Variants in PCDHGC4 observed in about 807,000 individuals in gnomAD.
PCDHGC4 encodes the protein protocadherin gamma-C4.
In PCDHGC4, 15 loss-of-function variants were observed where a neutral mutation model predicts 59.7. The observed-to-expected ratio is 0.25, with a 90% CI of 0.17 to 0.39. The LOEUF (loss-of-function observed/expected upper bound fraction) is 0.39, where lower values mean the gene tolerates loss of function less well. Ranked by LOEUF, PCDHGC4 falls within the 10% of genes least tolerant of loss-of-function variation. The pLI, the probability that PCDHGC4 is intolerant of heterozygous loss-of-function variation, is 1.00. For synonymous variants in PCDHGC4, 434 were observed against 481.4 expected (o/e 0.90, Z 1.29); for missense variants, 1,016 against 1,189.5 (o/e 0.85, Z 2.15).
In PCDHGC4 at chr5:141,489,844, C is replaced by A; in HGVS notation, c.2442+2229C>A. 2 of 1,614,148 alleles carry A rather than the reference C, an allele frequency of 1.2e-6. No individual in the cohort carries two copies. Among genetic ancestry groups the A allele is most frequent in the Non-Finnish European group, 1.7e-6 (2 of 1,179,982 alleles). On this transcript the variant is annotated intron_variant, in intron 1 of 3. Coordinates refer to ENST00000306593, the MANE Select transcript of PCDHGC4 (RefSeq NM_018928.3). The surrounding 1 kb of genome is among the most constrained non-coding windows in gnomAD (Gnocchi z 4.5). Reference sequence around the variant, plus strand: ...GCTGGTGCTAGAGCAGCAGCTGGATCGTGAAGCCCAGGCAAGACATCAGCT... The same window carrying A: ...GCTGGTGCTAGAGCAGCAGCTGGATAGTGAAGCCCAGGCAAGACATCAGCT...
intron 2 of PCDHGC4, among the ~76,000 whole-genome samples, chr5:141,501,184 C>T (rs1209222790): frequency 6.6e-6 from 1 of 152,002 alleles, no homozygotes; most frequent in Non-Finnish European, 1.5e-5. Context: ...CATTTTAACA[C>T]AATTAAATTC....
In PCDHGC4 at chr5:141,487,237, T is replaced by A. The variant is rs1327004790; in HGVS notation, c.2064T>A (p.Arg688=). 1.2e-6 allele frequency: 2 copies of A among 1,614,122 alleles called. No individual in the cohort carries two copies. The highest frequency in any genetic ancestry group is 1.7e-6 in the Non-Finnish European group (2 of 1,179,980). The change falls in exon 1 of 4, where the codon CGT becomes CGA. Residue 688 remains arginine (R), a synonymous_variant. Coordinates refer to ENST00000306593, the MANE Select transcript of PCDHGC4 (RefSeq NM_018928.3). This position sits in a 1 kb window ranked among gnomAD's most constrained non-coding sequence, Gnocchi z 5.0. ...ESSAPREGES[R]LTLYLAVSLV... ...CAGCTCCAAGGGAAGGAGAATCTCGTCTAACCCTCTACTTGGCTGTGTCCC... is the reference window on the plus strand; with the variant it reads ...CAGCTCCAAGGGAAGGAGAATCTCGACTAACCCTCTACTTGGCTGTGTCCC...
chr5:141,505,679 G>A (rs1350871637), intron 3 of PCDHGC4, among the ~76,000 whole-genome samples, 198 bp downstream of exon 3: 24 of 152,172 alleles, frequency 1.6e-4, no homozygotes, highest in Non-Finnish European at 3.5e-4. Flanking sequence ...TGGGGGTCCT[G>A]GGATGCCTGG....
In PCDHGC4 at chr5:141,491,250, C is replaced by T. The variant is rs1328621598; in HGVS notation, c.2443-3557C>T. The T allele has an allele frequency of 6.2e-7, 1 of 1,614,148 alleles. No individual in the cohort carries two copies. Among genetic ancestry groups the T allele is most frequent in the South Asian group, 1.1e-5 (1 of 91,092 alleles). ...TGCTGCTGGTTCTGGAGGATGAGGA[C>T]CCTGAGGAAATGCCCAAATCCAGTG... On this transcript the variant is annotated intron_variant, in intron 1 of 3. Transcript: ENST00000306593. The surrounding 1 kb of genome is among the most constrained non-coding windows in gnomAD (Gnocchi z 6.9).
chr5:141,502,900 T>C (rs1433421797), intron 2 of PCDHGC4, among the ~76,000 whole-genome samples: 2 of 147,288 alleles, frequency 1.4e-5, no homozygotes, highest in Non-Finnish European at 3.0e-5. Flanking sequence ...TCTAGCTCTG[T>C]TGCCAGGCTG....
chr5:141,485,935 C>A lies in PCDHGC4; in HGVS notation c.762C>A (p.Ser254Arg). The stretch of plus-strand genomic sequence containing the variant: ...GCTACAGGATTAGTGTGTTGGAGAG[C>A]GCACCAGCGGGCATGGTGCTCATCC... Reference protein sequence around the residue: ...QSSYRISVLESAPAGMVLIQL... With the variant: ...QSSYRISVLERAPAGMVLIQL... The change falls in exon 1 of 4, where the codon AGC (serine) becomes AGA (arginine). Residue 254 changes from serine to arginine, a missense_variant. Coordinates refer to ENST00000306593, the MANE Select transcript of PCDHGC4 (RefSeq NM_018928.3). This position sits in a 1 kb window ranked among gnomAD's most constrained non-coding sequence, Gnocchi z 5.7. The A allele has an allele frequency of 3.1e-6, 5 of 1,614,144 alleles. No homozygotes were observed. Among genetic ancestry groups the A allele is most frequent in the Non-Finnish European group, 3.4e-6 (4 of 1,180,030 alleles).
intron 1 of PCDHGC4, among the ~76,000 whole-genome samples, chr5:141,492,762 T>C (rs917580804): frequency 2.6e-5 from 4 of 152,206 alleles, no homozygotes; most frequent in African/African-American, 9.6e-5. Flanking sequence ...GGGCTCCGCG[T>C]TGGGCGAGTG....
At position 141,511,519 on chromosome 5, in the gene PCDHGC4, C is replaced by A; in HGVS notation, c.*346C>A. On this transcript the variant is annotated 3_prime_UTR_variant, in exon 4 of 4. Transcript: ENST00000306593. ...CCAAATCAATCAGGCCCATCCATCC[C>A]ATGCCTCCCTCCTCCCCACCCCACT... 2.7e-6 allele frequency: 1 copy of A among 367,516 alleles called. No individual in the cohort carries two copies. The highest frequency in any genetic ancestry group is 2.7e-5 in the South Asian group (1 of 36,848). 22.8% of individuals were successfully genotyped at this position (367,516 alleles called of 1,614,324 possible). A position where few individuals can be genotyped will look rare whatever the true frequency, so the allele number is the denominator to read the frequency against.
rs768509409 is a variant in PCDHGC4 at position 141,489,236 on chromosome 5, G to C, written c.2442+1621G>C. 1 of 1,531,176 alleles carries C rather than the reference G, an allele frequency of 6.5e-7. No homozygotes were observed. 94.8% of individuals were successfully genotyped at this position (1,531,176 alleles called of 1,614,324 possible). On this transcript the variant is annotated intron_variant, in intron 1 of 3. Transcript: ENST00000306593. The surrounding 1 kb of genome is among the most constrained non-coding windows in gnomAD (Gnocchi z 4.5). The stretch of plus-strand genomic sequence containing the variant: ...ACTTACTCTCCACAAAGGGACTTCT[G>C]GGTCATGGGGCCCAAGACACTCCCA...
chr5:141,497,217 G>A (rs1046945884), intron 2 of PCDHGC4, among the ~76,000 whole-genome samples: 1 of 152,066 alleles, frequency 6.6e-6, no homozygotes, highest in African/African-American at 2.4e-5. Flanking sequence ...AATGGGGGGG[G>A]GAAGATCAGA....
chr5:141,503,046 G>T (rs1187153008), intron 2 of PCDHGC4, among the ~76,000 whole-genome samples: 1 of 151,658 alleles, frequency 6.6e-6, no homozygotes, highest in Non-Finnish European at 1.5e-5. Flanking sequence ...GTTGAGACAG[G>T]GTTTCACCAT....
rs549047197 is a variant in PCDHGC4, at chr5:141,502,866, C to CTTTTTTTTTTTTTTT, written c.2502-2513_2502-2512insTTTTTTTTTTTTTTT. Reference sequence around the variant, plus strand: ...GAGCTGCCTAACCCTGACTCTCTGTCTTTTTTTTTTTTTTGACAGGGAGTC... The same window carrying CTTTTTTTTTTTTTTT: ...GAGCTGCCTAACCCTGACTCTCTGTCTTTTTTTTTTTTTTTTTTTTTTTTTTTTTGACAGGGAGTC... On this transcript the variant is annotated intron_variant, in intron 2 of 3. Coordinates refer to ENST00000306593, the MANE Select transcript of PCDHGC4 (RefSeq NM_018928.3). 1.1e-4 allele frequency among the ~76,000 whole-genome samples: 14 copies of CTTTTTTTTTTTTTTT among 128,026 alleles called. 3 individuals are homozygous for CTTTTTTTTTTTTTTT. Among genetic ancestry groups the CTTTTTTTTTTTTTTT allele is most frequent in the Admixed American group, 1.7e-4 (2 of 11,664 alleles). The allele number at this position is 128,026 out of a possible 152,430, so 84.0% of individuals were successfully genotyped here.
intron 3 of PCDHGC4, among the ~76,000 whole-genome samples, chr5:141,506,189 G>A (rs529165145): frequency 3.6e-4 from 55 of 152,262 alleles, no homozygotes; most frequent in African/African-American, 1.1e-3. Flanking sequence ...GGTGGCTCAC[G>A]CCTGTAATCC....
intron 3 of PCDHGC4, 87 bp from the exon 4 acceptor site, chr5:141,510,854 TGTATAG>T: frequency 6.2e-7 from 1 of 1,602,320 alleles, no homozygotes; most frequent in Non-Finnish European, 8.5e-7. Flanking sequence ...CCCAGGGTGC[TGTATAG>T]GCATTCATTA....
chr5:141,506,216 T>A (rs2237080), intron 3 of PCDHGC4, among the ~76,000 whole-genome samples: 78,167 of 151,604 alleles, frequency 0.52, 20,820 homozygotes, highest in African/African-American at 0.63. Flanking sequence ...TTTGGGAAGC[T>A]GAGGCAGGAG....
chr5:141,508,540 G>A (rs993826709), intron 3 of PCDHGC4, among the ~76,000 whole-genome samples: 3 of 152,144 alleles, frequency 2.0e-5, no homozygotes, highest in African/African-American at 4.8e-5. Flanking sequence ...CCCCCCACGA[G>A]GTGGGCGGGG....
At chr5:141,488,217 A>G (rs537136341) in intron 1 of PCDHGC4, among the ~76,000 whole-genome samples, 2 of 152,274 alleles carry the variant, frequency 1.3e-5, no homozygotes, top group East Asian at 1.9e-4. Flanking sequence ...TCAAGTCCCT[A>G]CTGGGGATTT....
chr5:141,498,919 CG>C (rs2099786825), intron 2 of PCDHGC4, among the ~76,000 whole-genome samples: 1 of 122,240 alleles, frequency 8.2e-6, no homozygotes, highest in African/African-American at 3.1e-5. Context: ...GGTGACAGAG[CG>C]AGACTCCATC....
intron 2 of PCDHGC4, among the ~76,000 whole-genome samples, chr5:141,500,138 ACTTTT>A: frequency 6.6e-6 from 1 of 150,560 alleles, no homozygotes; most frequent in Middle Eastern, 3.2e-3. Flanking sequence ...ATCTTTCTAA[ACTTTT>A]CTTTGTGTAA....
Sources: gnomAD v4.1 joint callset for allele counts (sites outside exome capture counted in the v4.1 genomes callset) on GRCh38, gnomAD v4.1.1 for gene constraint, Gnocchi (gnomAD v3.1) non-coding constraint, MANE v1.5 for transcripts, NCBI Gene and HGNC (gene_info 2026-07-23, HGNC 2026-07-21) for gene names.